The following ANKRD33 variants were observed in gnomAD, a reference collection of about 807,000 sequenced individuals.
ANKRD33 encodes the protein ankyrin repeat domain 33.
ANKRD33 carries 20 observed loss-of-function variants against 20.6 expected under a neutral mutation model. The observed-to-expected ratio is 0.97, with a 90% confidence interval of 0.68 to 1.41. The LOEUF is 1.41. Among genes scored for constraint, ANKRD33 ranks in the 40% most tolerant of loss-of-function variants. ANKRD33 has a pLI of 0.00. For missense variants in ANKRD33, 545 were observed against 579.6 expected (o/e 0.94, Z 0.61); for synonymous variants, 246 against 245.0 (o/e 1.00, Z -0.04).
In ANKRD33 at chr12:51,888,953, C is replaced by T. The variant is rs545125147; in HGVS notation, c.397-114C>T. The T allele has an allele frequency of 1.7e-4, 264 of 1,580,580 alleles. 2 individuals carry two copies. In the East Asian group the frequency reaches 4.9e-3, roughly 29 times the overall value. On this transcript the variant is annotated intron_variant, in intron 2 of 4. Coordinates refer to ENST00000301190, the MANE Select transcript of ANKRD33 (RefSeq NM_182608.4). ...TAAGGAGGAAGGGAATGGTTAAGGGCGGGTCTTCACGGGGTTTGGGGCAGG... is the reference window on the plus strand; with the variant it reads ...TAAGGAGGAAGGGAATGGTTAAGGGTGGGTCTTCACGGGGTTTGGGGCAGG...
chr12:51,888,992 A>G (rs530715645), intron 2 of ANKRD33, 75 bp from the exon 3 acceptor site: 2 of 1,602,056 alleles, frequency 1.2e-6, no homozygotes, highest in East Asian at 4.5e-5. Flanking sequence ...TGGGACAGAT[A>G]TGGGTTTAGA....
rs1940425746 is a variant in ANKRD33, at chr12:51,891,399, T to G, written c.*94T>G. ...AGTGCCTCCGGCCTCCCCATCCACC[T>G]CTGCCTAAGTAAATCTGCTCTCAAC... On this transcript the variant is annotated 3_prime_UTR_variant, in exon 5 of 5. Coordinates refer to ENST00000301190, the MANE Select transcript of ANKRD33 (RefSeq NM_182608.4). 1.0e-5 allele frequency: 15 copies of G among 1,478,948 alleles called. No individual in the cohort carries two copies. The South Asian group carries it at 2.0e-4, about 20-fold the overall frequency. The allele number at this position is 1,478,948 out of a possible 1,614,324, so 91.6% of individuals were successfully genotyped here. A position where few individuals can be genotyped will look rare whatever the true frequency, so the allele number is the denominator to read the frequency against.
At position 51,888,633 on chromosome 12, in the gene ANKRD33, T is replaced by C. The variant is rs77869407; in HGVS notation, c.211T>C (p.Leu71=). 1.5e-3 allele frequency: 2,345 copies of C among 1,593,486 alleles called. 29 individuals are homozygous for C. The African/African-American group carries it at 0.028, about 19-fold the overall frequency. ...CTGCCTGGAAGAGGAAGAGCTGGCA[T>C]TGCACAGGAGACGGCTGGACATGTC... The part of the protein sequence containing the change: ...VPCLEEEELA[L]HRRRLDMSEA... Residue 71 remains leucine, a synonymous_variant, in exon 2 of 5, where the codon TTG becomes CTG. Transcript: ENST00000301190.
rs138939405 is a variant in ANKRD33, at chr12:51,889,490, C to T, written c.637+8C>T. 2.0e-5 allele frequency: 33 copies of T among 1,613,216 alleles called. No homozygotes were observed. Among genetic ancestry groups the T allele is most frequent in the African/African-American group, 1.3e-4 (10 of 75,034 alleles). ...CTGCCATGCGGAACCGCTGTGAGTG[C>T]GTGGCCACCCTCCTCATGGCAGGTG... On this transcript the variant is annotated splice_region_variant and intron_variant, in intron 4 of 4. Coordinates refer to ENST00000301190, the MANE Select transcript of ANKRD33 (RefSeq NM_182608.4).
In ANKRD33 at chr12:51,889,417, T is replaced by C; in HGVS notation, c.572T>C (p.Leu191Pro). The change falls in exon 4 of 5, where the codon CTG (leucine) becomes CCG (proline). Residue 191 changes from leucine to proline, a missense_variant. Transcript: ENST00000301190. The stretch of plus-strand genomic sequence containing the variant: ...CTCCTGCTCAACTACTATGTGGGCC[T>C]GGACCTGGAACGCCGGGACCAGCGG... Reference protein sequence around the residue: ...VSLLLNYYVGLDLERRDQRGL... With the variant: ...VSLLLNYYVGPDLERRDQRGL... 1 of 1,614,122 alleles carries C rather than the reference T, an allele frequency of 6.2e-7. No homozygotes were observed. The highest frequency in any genetic ancestry group is 2.2e-5 in the East Asian group (1 of 44,874).
At chr12:51,890,000 T>C (rs1046404319) in intron 4 of ANKRD33, 4 of 220,330 alleles carry the variant, frequency 1.8e-5, no homozygotes, top group Non-Finnish European at 3.7e-5. Context: ...ATGGAGTTGT[T>C]TGGGGGCCCT....
chr12:51,891,086 G>C lies in ANKRD33; in HGVS notation c.1140G>C (p.Leu380Phe), dbSNP rs756843183. 1 of 1,613,696 alleles carries C rather than the reference G, an allele frequency of 6.2e-7. No homozygotes were observed. The highest frequency in any genetic ancestry group is 2.2e-5 in the East Asian group (1 of 44,834). ...CCTACCAGAGCCCTCAGGGCATATT[G>C]AGCAAGTGCCTTCAGTGGCTACAAC... is the stretch of plus-strand genomic sequence containing the variant. ...FVPYQSPQGI[L>F]SKCLQWLQPR... Residue 380 changes from leucine (L) to phenylalanine (F), a missense_variant, in exon 5 of 5, where the codon TTG becomes TTC. Coordinates refer to ENST00000301190, the MANE Select transcript of ANKRD33 (RefSeq NM_182608.4).
chr12:51,890,854 G>A lies in ANKRD33; in HGVS notation c.908G>A (p.Gly303Asp). 1 of 1,612,938 alleles carries A rather than the reference G, an allele frequency of 6.2e-7. No homozygotes were observed. The highest frequency in any genetic ancestry group is 8.5e-7 in the Non-Finnish European group (1 of 1,179,890). The change falls in exon 5 of 5, where the codon GGT (glycine) becomes GAT (aspartate). Residue 303 changes from glycine (G) to aspartate (D), a missense_variant. Physicochemically the swap from Gly to Asp is moderately conservative, Grantham distance 94. Coordinates refer to ENST00000301190, the MANE Select transcript of ANKRD33 (RefSeq NM_182608.4). Reference protein sequence around the residue: ...LPFAPSPQEGGVLDHLVTATT... With the variant: ...LPFAPSPQEGDVLDHLVTATT... ...TTTGCCCCGTCTCCTCAGGAGGGGG[G>A]TGTTCTGGACCACCTTGTGACTGCC...
intron 4 of ANKRD33, chr12:51,889,874 T>C (rs1281769377): frequency 2.1e-5 from 5 of 243,536 alleles, no homozygotes; most frequent in Non-Finnish European, 4.0e-5. Context: ...TAGCTTTCCC[T>C]GGGACTACCT....
intron 2 of ANKRD33, 103 bp from the exon 3 acceptor site, chr12:51,888,964 G>A (rs697635): frequency 0.34 from 531,022 of 1,583,770 alleles, 91,988 homozygotes; most frequent in East Asian, 0.45. Context: ...GGGTCTTCAC[G>A]GGGTTTGGGG....
At chr12:51,889,683 A>T in intron 4 of ANKRD33, 2 of 994,792 alleles carry the variant, frequency 2.0e-6, no homozygotes, top group South Asian at 3.4e-5. Flanking sequence ...TCGTACAATC[A>T]ACCAAGTCCT....
intron 4 of ANKRD33, chr12:51,889,707 C>T (rs1393283840): frequency 2.4e-6 from 2 of 827,300 alleles, no homozygotes; most frequent in Non-Finnish European, 3.6e-6. Context: ...ATTGATAGCT[C>T]AGACATTGTG....
At position 51,891,543 on chromosome 12, in the gene ANKRD33, A is replaced by G. The variant is rs557825842; in HGVS notation, c.*238A>G. The G allele has an allele frequency of 3.1e-6, 2 of 644,604 alleles. No individual in the cohort carries two copies. Among genetic ancestry groups the G allele is most frequent in the Non-Finnish European group, 5.2e-6 (2 of 384,314 alleles). 39.9% of individuals were successfully genotyped at this position (644,604 alleles called of 1,614,324 possible). On this transcript the variant is annotated 3_prime_UTR_variant, in exon 5 of 5. Transcript: ENST00000301190. ...TTGATTACGGATGTAATTGCTGTCC[A>G]TCCATACAGAGCATACTCTACAGTG...
chr12:51,888,904 C>T (rs1194998213), intron 2 of ANKRD33, 86 bp downstream of exon 2: 2 of 1,594,222 alleles, frequency 1.3e-6, no homozygotes, highest in South Asian at 2.3e-5. Flanking sequence ...GAGAGGGGTT[C>T]AGGGGCAATA....
chr12:51,888,559 G>T lies in ANKRD33; in HGVS notation c.146-9G>T. On this transcript the variant is annotated splice_polypyrimidine_tract_variant and intron_variant, in intron 1 of 4. Coordinates refer to ENST00000301190, the MANE Select transcript of ANKRD33 (RefSeq NM_182608.4). ...GACACTCACTACTCCTCTCCATTCTGTGTTTTAGATGCCAGCTGCATGAGA... is the reference window on the plus strand; with the variant it reads ...GACACTCACTACTCCTCTCCATTCTTTGTTTTAGATGCCAGCTGCATGAGA... 6.5e-7 allele frequency: 1 copy of T among 1,546,010 alleles called. No individual in the cohort carries two copies. Among genetic ancestry groups the T allele is most frequent in the Non-Finnish European group, 8.7e-7 (1 of 1,149,446 alleles).
In ANKRD33 at chr12:51,888,342, A is replaced by T; in HGVS notation, c.145+11A>T. The T allele has an allele frequency of 6.2e-7, 1 of 1,613,832 alleles. No individual in the cohort carries two copies. Among genetic ancestry groups the T allele is most frequent in the Non-Finnish European group, 8.5e-7 (1 of 1,179,966 alleles). On this transcript the variant is annotated intron_variant, in intron 1 of 4. Coordinates refer to ENST00000301190, the MANE Select transcript of ANKRD33 (RefSeq NM_182608.4). The stretch of plus-strand genomic sequence containing the variant: ...CCCTACGAACCCCAAGTAAGAAAAA[A>T]CGACGACCCTCTCTCCGTGAGTCTC...
chr12:51,888,876 G>T (rs537360264), intron 2 of ANKRD33, 58 bp downstream of exon 2: 6 of 1,603,680 alleles, frequency 3.7e-6, no homozygotes, highest in Middle Eastern at 1.7e-4. Flanking sequence ...CCACCACACC[G>T]TCCTGGCCTG....
At chr12:51,889,605 G>A in intron 4 of ANKRD33, 123 bp downstream of exon 4, 3 of 1,455,736 alleles carry the variant, frequency 2.1e-6, no homozygotes, top group Admixed American at 4.9e-5. Flanking sequence ...TTTGCAGAAA[G>A]GAGAGAGGTG....
rs1411660514 is a variant in ANKRD33 at position 51,890,981 on chromosome 12, G to C, written c.1035G>C (p.Leu345=). Residue 345 remains leucine, a synonymous_variant, in exon 5 of 5, where the codon CTG becomes CTC. Transcript: ENST00000301190. The part of the protein sequence containing the change: ...LGTRSKSVPE[L]LGTAPPPPLV... ...CCCGAAGCAAGTCCGTGCCAGAGCT[G>C]TTAGGTACTGCCCCGCCCCCTCCCC... 1 of 1,613,554 alleles carries C rather than the reference G, an allele frequency of 6.2e-7. No homozygotes were observed. The highest frequency in any genetic ancestry group is 1.7e-5 in the Admixed American group (1 of 60,008).
Sources: gnomAD v4.1 joint callset for allele counts on GRCh38, gnomAD v4.1.1 for gene constraint, MANE v1.5 for transcripts, NCBI Gene and HGNC (gene_info 2026-07-23, HGNC 2026-07-21) for gene names.